Variants in SUGCT observed in about 807,000 individuals in gnomAD.
SUGCT encodes succinyl-CoA:glutarate-CoA transferase.
Under a neutral mutation model 55.0 loss-of-function variants are expected in SUGCT, and 41 were observed. The ratio of observed to expected loss-of-function variants is 0.74; its 90% confidence interval spans 0.58 to 0.97. The LOEUF is 0.97. Ranked by LOEUF, SUGCT falls within the 50% of genes least tolerant of loss-of-function variation. The pLI is 0.00. For missense variants in SUGCT, 568 were observed against 547.8 expected, an observed-to-expected ratio of 1.04 and a Z score of -0.37; for synonymous variants, 187 against 200.4, an observed-to-expected ratio of 0.93 and a Z score of 0.56.
intron 12 of SUGCT, among the ~76,000 whole-genome samples, chr7:40,703,274 G>T (rs1785247355): frequency 6.6e-6 from 1 of 152,106 alleles, no homozygotes; most frequent in South Asian, 2.1e-4. Flanking sequence ...ATGTTGGTCA[G>T]GCTGGTCTCG....
chr7:40,360,400 G>T (rs747497692), intron 9 of SUGCT, among the ~76,000 whole-genome samples: 118 of 152,194 alleles, frequency 7.8e-4, no homozygotes, highest in Non-Finnish European at 8.4e-4. Flanking sequence ...GATTTGTGAA[G>T]AAGGAATACA....
chr7:40,688,798 A>G (rs1024222093), intron 12 of SUGCT, among the ~76,000 whole-genome samples: 1 of 152,138 alleles, frequency 6.6e-6, no homozygotes, highest in Non-Finnish European at 1.5e-5. Context: ...AATAATTTAC[A>G]CAAGCACATG....
intron 1 of SUGCT, among the ~76,000 whole-genome samples, chr7:40,146,770 A>G (rs1402324851): frequency 2.0e-5 from 3 of 152,148 alleles, no homozygotes; most frequent in African/African-American, 7.2e-5. Context: ...GATTTTGTTT[A>G]TGGCCAGTTT....
chr7:40,837,084 C>T (rs924267499), intron 13 of SUGCT, among the ~76,000 whole-genome samples: 2 of 152,132 alleles, frequency 1.3e-5, no homozygotes, highest in African/African-American at 4.8e-5. Flanking sequence ...AATTTCTCTG[C>T]ATCATCATCA....
intron 8 of SUGCT, among the ~76,000 whole-genome samples, chr7:40,307,688 A>G (rs181488649): frequency 8.9e-4 from 135 of 152,328 alleles, no homozygotes; most frequent in African/African-American, 3.1e-3. Flanking sequence ...TCAGTCGTAA[A>G]TACTAGAAAC....
In SUGCT at chr7:40,625,976, G is replaced by T. The variant is rs138907514; in HGVS notation, c.1090-123458G>T. Among the ~76,000 whole-genome samples the T allele has an allele frequency of 5.9e-3, 906 of 152,300 alleles. 8 individuals carry two copies. The highest frequency in any genetic ancestry group is 0.02 in the African/African-American group (837 of 41,570). On this transcript the variant is annotated intron_variant, in intron 12 of 13. Coordinates refer to ENST00000335693, the MANE Select transcript of SUGCT (RefSeq NM_001193313.2). The stretch of plus-strand genomic sequence containing the variant: ...TTAATTGAAATTCACACCCTGTGAA[G>T]TACATATTTGTATTTTCTTTTAACT...
At chr7:40,364,507 C>G (rs1411582475) in intron 9 of SUGCT, among the ~76,000 whole-genome samples, 3 of 152,076 alleles carry the variant, frequency 2.0e-5, no homozygotes, top group African/African-American at 7.2e-5. Context: ...TAGGGCAGGC[C>G]TGGTGGTGAC....
At chr7:40,313,923 A>C (rs1454943683) in intron 8 of SUGCT, among the ~76,000 whole-genome samples, 1 of 152,102 alleles carries the variant, frequency 6.6e-6, no homozygotes, top group Admixed American at 6.5e-5. Context: ...AATTGGCTTA[A>C]AATTTTATTT....
chr7:40,336,203 G>T (rs1371670626), intron 9 of SUGCT, among the ~76,000 whole-genome samples: 1 of 152,070 alleles, frequency 6.6e-6, no homozygotes, highest in Non-Finnish European at 1.5e-5. Context: ...ATTGGTCTAA[G>T]ATTCTCTTTT....
chr7:40,756,913 G>A (rs1294983954), intron 13 of SUGCT, among the ~76,000 whole-genome samples: 1 of 152,152 alleles, frequency 6.6e-6, no homozygotes, highest in Non-Finnish European at 1.5e-5. Context: ...GAGATGAAAG[G>A]AAGTTTCTAG....
chr7:40,527,090 C>T (rs1793839031), intron 12 of SUGCT, among the ~76,000 whole-genome samples: 1 of 152,102 alleles, frequency 6.6e-6, no homozygotes, highest in African/African-American at 2.4e-5. Flanking sequence ...CTTTCAGTAT[C>T]TTTGTAATGA....
At chr7:40,550,051 T>C (rs983932652) in intron 12 of SUGCT, among the ~76,000 whole-genome samples, 1 of 152,044 alleles carries the variant, frequency 6.6e-6, no homozygotes, top group African/African-American at 2.4e-5. Flanking sequence ...GAGAGAAGGG[T>C]TGGGAGACTT....
chr7:40,811,355 G>T (rs2128757855), intron 13 of SUGCT, among the ~76,000 whole-genome samples: 1 of 152,182 alleles, frequency 6.6e-6, no homozygotes, highest in African/African-American at 2.4e-5. Flanking sequence ...ATTGCTTTGG[G>T]CTCTATGGTC....
At chr7:40,957,887 G>A in the SUGCT span, among the ~76,000 whole-genome samples, 3 of 152,174 alleles carry the variant, frequency 2.0e-5, no homozygotes, top group South Asian at 2.1e-4. Flanking sequence ...GCATTAACTT[G>A]TCTGTAAAGG....
chr7:40,832,677 CT>C (rs34767975), intron 13 of SUGCT, among the ~76,000 whole-genome samples: 348 of 141,234 alleles, frequency 2.5e-3, no homozygotes, highest in South Asian at 6.8e-3. Context: ...TCCACTCCTA[CT>C]TTTTTTTTTT....
chr7:40,657,127 G>A (rs1332496477), intron 12 of SUGCT, among the ~76,000 whole-genome samples: 1 of 152,120 alleles, frequency 6.6e-6, no homozygotes, highest in Admixed American at 6.5e-5. Context: ...GGATACATTA[G>A]GGGTTACATG....
intron 9 of SUGCT, among the ~76,000 whole-genome samples, chr7:40,395,303 AC>A (rs1785661542): frequency 6.6e-6 from 1 of 152,010 alleles, no homozygotes; most frequent in Admixed American, 6.6e-5. Context: ...AGCCTGGTCA[AC>A]ATGGTGAAAC....
chr7:40,220,332 C>T (rs1430653128), intron 6 of SUGCT, among the ~76,000 whole-genome samples: 1 of 152,158 alleles, frequency 6.6e-6, no homozygotes, highest in African/African-American at 2.4e-5. Flanking sequence ...CAGAGTGTTC[C>T]AGATATTTAT....
intron 8 of SUGCT, among the ~76,000 whole-genome samples, chr7:40,308,998 C>T (rs936119975): frequency 8.5e-5 from 13 of 152,178 alleles, no homozygotes; most frequent in Non-Finnish European, 1.9e-4. Flanking sequence ...CAGAGTTAGA[C>T]TCTGTCTCAA....
Sources: gnomAD v4.1 joint callset for allele counts (sites outside exome capture counted in the v4.1 genomes callset) on GRCh38, gnomAD v4.1.1 for gene constraint, MANE v1.5 for transcripts, NCBI Gene and HGNC (gene_info 2026-07-23, HGNC 2026-07-21) for gene names.